Variants in ERP44 observed in about 807,000 individuals in gnomAD.
ERP44 encodes the protein endoplasmic reticulum resident protein 44.
Under a neutral mutation model 53.4 loss-of-function variants are expected in ERP44, and 25 were observed. The observed-to-expected ratio is 0.47, with a 90% CI of 0.34 to 0.65. ERP44 has a LOEUF of 0.65. ERP44 is among the 30% of genes least tolerant of loss of function. The pLI is 0.01. For missense variants in ERP44, 338 were observed against 493.2 expected (o/e 0.69, Z 2.98); for synonymous variants, 145 against 161.2 (o/e 0.90, Z 0.76).
At chr9:100,076,893 T>C (rs994163618) in intron 1 of ERP44, among the ~76,000 whole-genome samples, 1 of 152,200 alleles carries the variant, frequency 6.6e-6, no homozygotes, top group Non-Finnish European at 1.5e-5. Context: ...ATGAACAAAG[T>C]GGCCATGGTG....
chr9:100,067,112 T>G (rs1206126565), intron 1 of ERP44, among the ~76,000 whole-genome samples: 2 of 152,152 alleles, frequency 1.3e-5, no homozygotes, highest in African/African-American at 4.8e-5. Flanking sequence ...CTGGACAGAG[T>G]GAGAGCCTGT....
At chr9:99,983,207 T>A (rs1830165494) in intron 11 of ERP44, among the ~76,000 whole-genome samples, 1 of 152,238 alleles carries the variant, frequency 6.6e-6, no homozygotes, top group Non-Finnish European at 1.5e-5. Context: ...AATTAATTTC[T>A]GTAGTATTTT....
chr9:100,037,703 G>T (rs553968477), intron 4 of ERP44, among the ~76,000 whole-genome samples: 23 of 152,208 alleles, frequency 1.5e-4, no homozygotes, highest in Admixed American at 6.5e-4. Context: ...CCCTTTCCAG[G>T]CCCTAGCTCC....
chr9:99,992,699 T>C (rs1313099927), intron 10 of ERP44, among the ~76,000 whole-genome samples: 1 of 152,198 alleles, frequency 6.6e-6, no homozygotes, highest in Non-Finnish European at 1.5e-5. Flanking sequence ...ATAAAGGGTA[T>C]TCAATTAGGA....
intron 1 of ERP44, among the ~76,000 whole-genome samples, chr9:100,087,965 C>T (rs536514293): frequency 2.4e-4 from 37 of 152,044 alleles, no homozygotes; most frequent in Non-Finnish European, 3.5e-4. Context: ...TCAAAAAACA[C>T]GTCAGGAAAT....
At chr9:99,997,561 G>A (rs1373127137) in intron 10 of ERP44, among the ~76,000 whole-genome samples, 1 of 152,100 alleles carries the variant, frequency 6.6e-6, no homozygotes, top group East Asian at 1.9e-4. Flanking sequence ...AAAACGCAAA[G>A]GCAGGCTCTA....
At chr9:100,078,168 T>C (rs781592120) in intron 1 of ERP44, among the ~76,000 whole-genome samples, 10 of 152,162 alleles carry the variant, frequency 6.6e-5, no homozygotes, top group Non-Finnish European at 1.3e-4. Context: ...ACTAAGAAAA[T>C]ATCTTCAGGC....
At chr9:100,024,152 TCAACAACAACAACAA>T (rs35674225) in intron 4 of ERP44, among the ~76,000 whole-genome samples, 19 of 149,446 alleles carry the variant, frequency 1.3e-4, no homozygotes, top group African/African-American at 2.7e-4. Flanking sequence ...AAACCCTGAC[TCAACAACAACAACAA>T]CAACAACAAC....
In ERP44 at chr9:99,981,953, A is replaced by C. The variant is rs531445440; in HGVS notation, c.*659T>G. 2.0e-5 allele frequency: 3 copies of C among 152,474 alleles called. No homozygotes were observed. Among genetic ancestry groups the C allele is most frequent in the African/African-American group, 4.8e-5 (2 of 41,576 alleles). The allele number at this position is 152,474 out of a possible 1,614,324, so 9.4% of individuals were successfully genotyped here. On this transcript the variant is annotated 3_prime_UTR_variant, in exon 12 of 12. Transcript: ENST00000262455. The stretch of plus-strand genomic sequence containing the variant: ...CCATATGCCACATTTTTAGACAAAC[A>C]CAGAAGCTTAATAATACTTTTCATT...
intron 10 of ERP44, among the ~76,000 whole-genome samples, chr9:99,999,426 T>G (rs1830354823): frequency 1.3e-5 from 2 of 152,232 alleles, no homozygotes; most frequent in African/African-American, 4.8e-5. Flanking sequence ...TTCTAATATC[T>G]TTGATGATTA....
chr9:100,043,546 G>A (rs1245655594), intron 4 of ERP44, among the ~76,000 whole-genome samples: 1 of 151,954 alleles, frequency 6.6e-6, no homozygotes, highest in African/African-American at 2.4e-5. Context: ...CTTGAGGTCA[G>A]GAGTTCGAGA....
chr9:100,006,698 T>C, intron 9 of ERP44, 51 bp from the exon 10 acceptor site: 1 of 1,353,186 alleles, frequency 7.4e-7, no homozygotes, highest in African/African-American at 1.5e-5. Flanking sequence ...CTTGAAAATA[T>C]TTTTGTAAGA....
intron 10 of ERP44, among the ~76,000 whole-genome samples, chr9:99,985,544 C>G (rs1564082976): frequency 1.3e-5 from 2 of 152,164 alleles, no homozygotes; most frequent in Admixed American, 1.3e-4. Context: ...TAGCACCATC[C>G]AATGTCCACC....
At chr9:100,092,048 T>C (rs192705658) in intron 1 of ERP44, among the ~76,000 whole-genome samples, 2 of 152,306 alleles carry the variant, frequency 1.3e-5, no homozygotes, top group East Asian at 1.9e-4. Context: ...TTCTCCTCCA[T>C]AGTAGATTGC....
At position 100,060,154 on chromosome 9, in the gene ERP44, G is replaced by A. The variant is rs1317504134; in HGVS notation, c.76C>T (p.Pro26Ser). The A allele has an allele frequency of 6.7e-7, 1 of 1,491,510 alleles. No individual in the cohort carries two copies. Among genetic ancestry groups the A allele is most frequent in the Non-Finnish European group, 8.9e-7 (1 of 1,122,374 alleles). The allele number at this position is 1,491,510 out of a possible 1,614,324, so 92.4% of individuals were successfully genotyped here. The change falls in exon 2 of 12, where the codon CCT (proline) becomes TCT (serine). Residue 26 changes from proline to serine, a missense_variant. Physicochemically the swap from Pro to Ser is moderately conservative, Grantham distance 74. This residue lies in a region of ERP44 where 224 missense variants were observed against 301.4 expected (regional missense o/e 0.74). Coordinates refer to ENST00000262455, the MANE Select transcript of ERP44 (RefSeq NM_015051.3). ...LLLLVTWVFT[P>S]VTTEITSLDT... ...AGACTTGTTATTTCAGTTGTTACAG[G>A]AGTAAAAACCCAAGTTACCTGAAAA...
intron 1 of ERP44, among the ~76,000 whole-genome samples, chr9:100,098,266 G>C (rs112603301): frequency 6.6e-6 from 1 of 152,188 alleles, no homozygotes; most frequent in African/African-American, 2.4e-5. Flanking sequence ...TATTCTCCCA[G>C]TGGAATCCAA....
At chr9:100,050,345 T>C (rs1055327902) in intron 4 of ERP44, among the ~76,000 whole-genome samples, 2 of 152,164 alleles carry the variant, frequency 1.3e-5, no homozygotes, top group African/African-American at 4.8e-5. Context: ...AAATCTCTTT[T>C]AAAAACTGCT....
intron 6 of ERP44, among the ~76,000 whole-genome samples, chr9:100,020,382 C>T (rs1830574930): frequency 6.6e-6 from 1 of 152,190 alleles, no homozygotes; most frequent in Non-Finnish European, 1.5e-5. Flanking sequence ...TAATTGTTAA[C>T]TTGTCCATTT....
chr9:100,017,456 T>C (rs1228746897), intron 7 of ERP44, among the ~76,000 whole-genome samples: 1 of 152,148 alleles, frequency 6.6e-6, no homozygotes, highest in African/African-American at 2.4e-5. Flanking sequence ...ATTCTGATAA[T>C]CTAGAGATGA....
Sources: allele counts gnomAD v4.1 joint callset (sites outside exome capture counted in the v4.1 genomes callset), GRCh38; gene constraint gnomAD v4.1.1; regional missense constraint gnomAD v4.1.1; transcripts MANE v1.5; gene names NCBI Gene and HGNC (gene_info 2026-07-23, HGNC 2026-07-21).